IGSF21: variants seen among roughly 807,000 people sequenced by gnomAD.
The protein encoded by IGSF21 is immunoglobin superfamily member 21.
In IGSF21, 28 loss-of-function variants were observed where a neutral mutation model predicts 46.8. That is an observed-to-expected ratio of 0.60 (90% CI 0.44 to 0.82). The LOEUF (loss-of-function observed/expected upper bound fraction) is 0.82. Among genes scored for constraint, IGSF21 ranks in the 40% least tolerant of loss-of-function variants. The pLI is 0.00. For synonymous variants in IGSF21, 284 were observed against 273.6 expected (o/e 1.04, Z -0.38); for missense variants, 624 against 665.5 (o/e 0.94, Z 0.69).
chr1:18,140,110 G>A (rs1404636956), intron 1 of IGSF21, among the ~76,000 whole-genome samples: 1 of 152,104 alleles, frequency 6.6e-6, no homozygotes, highest in African/African-American at 2.4e-5. Context: ...GTGCCTGGCT[G>A]ATTTTTAAAT....
chr1:18,346,361 C>T (rs1419124371), intron 4 of IGSF21, among the ~76,000 whole-genome samples: 2 of 152,092 alleles, frequency 1.3e-5, no homozygotes, highest in Admixed American at 6.5e-5. Context: ...ATGCTTTTTA[C>T]CCTATGGGCT....
chr1:18,371,770 C>G (rs950117761), intron 6 of IGSF21, among the ~76,000 whole-genome samples: 1 of 152,162 alleles, frequency 6.6e-6, no homozygotes, highest in Non-Finnish European at 1.5e-5. Context: ...TCCTTGAACA[C>G]TCTATCTAAA....
chr1:18,286,300 G>A (rs183547865), intron 2 of IGSF21, among the ~76,000 whole-genome samples: 4 of 152,286 alleles, frequency 2.6e-5, no homozygotes, highest in East Asian at 1.9e-4. Flanking sequence ...CATGACACAC[G>A]TCTCTTGGTA....
In IGSF21 at chr1:18,175,413, G is replaced by A. The variant is rs575767096; in HGVS notation, c.71-52485G>A. Among the ~76,000 whole-genome samples, 3 of 152,266 alleles carry A rather than the reference G, an allele frequency of 2.0e-5. No individual in the cohort carries two copies. The East Asian group carries it at 5.8e-4, about 29-fold the overall frequency. ...GGAGTGAACTGCAGAGTTAGCACCC[G>A]CAGACAGCCGGGAGGAAACGAGAAA... On this transcript the variant is annotated intron_variant, in intron 1 of 9. Transcript: ENST00000251296.
intron 3 of IGSF21, among the ~76,000 whole-genome samples, chr1:18,310,023 C>T (rs2085473521): frequency 6.6e-6 from 1 of 152,154 alleles, no homozygotes; most frequent in Non-Finnish European, 1.5e-5. Flanking sequence ...GTCATAAGCT[C>T]CCTTTACACA....
At chr1:18,210,117 G>A (rs1329594103) in intron 1 of IGSF21, among the ~76,000 whole-genome samples, 1 of 152,126 alleles carries the variant, frequency 6.6e-6, no homozygotes, top group Non-Finnish European at 1.5e-5. Flanking sequence ...AACTGTAATA[G>A]GCTGATGTTT....
At chr1:18,194,954 A>G (rs908571382) in intron 1 of IGSF21, among the ~76,000 whole-genome samples, 5 of 152,256 alleles carry the variant, frequency 3.3e-5, no homozygotes, top group African/African-American at 1.2e-4. Context: ...CTTACATGGC[A>G]GCAGGCAAAA....
In IGSF21 at chr1:18,334,412, A is replaced by G. The variant is rs2085744803; in HGVS notation, c.306-480A>G. Among the ~76,000 whole-genome samples the G allele has an allele frequency of 6.6e-6, 1 of 152,126 alleles. No individual in the cohort carries two copies. The highest frequency in any genetic ancestry group is 6.5e-5 in the Admixed American group (1 of 15,272). On this transcript the variant is annotated intron_variant, in intron 3 of 9. Transcript: ENST00000251296. The surrounding 1 kb of genome is among the most constrained non-coding windows in gnomAD (Gnocchi z 4.3). ...ATTTCCATACTGGTTCTTATTAGCA[A>G]TTGAGTTCCGTCCTGAGCCTCAGTT...
chr1:18,228,047 C>G, intron 2 of IGSF21, 37 bp downstream of exon 2: 1 of 1,517,242 alleles, frequency 6.6e-7, no homozygotes, highest in Non-Finnish European at 9.2e-7. Flanking sequence ...TGCCCATGGC[C>G]AGGACTGGTG....
At position 18,290,258 on chromosome 1, in the gene IGSF21, G is replaced by A. The variant is rs1003478235; in HGVS notation, c.184-1608G>A. Among the ~76,000 whole-genome samples the A allele has an allele frequency of 3.5e-4, 53 of 152,306 alleles. 1 individual carries two copies. The highest frequency in any genetic ancestry group is 2.1e-4 in the South Asian group (1 of 4,826). On this transcript the variant is annotated intron_variant, in intron 2 of 9. Transcript: ENST00000251296. The surrounding 1 kb of genome is among the most constrained non-coding windows in gnomAD (Gnocchi z 4.2). Reference sequence around the variant, plus strand: ...CTGTGCTGCAGAAGCAGCCAGGTGGGAGGAAGTGGTCCTCTGTCTCCCCTC... The same window carrying A: ...CTGTGCTGCAGAAGCAGCCAGGTGGAAGGAAGTGGTCCTCTGTCTCCCCTC...
intron 5 of IGSF21, among the ~76,000 whole-genome samples, chr1:18,362,954 C>A (rs2086117980): frequency 6.6e-6 from 1 of 152,178 alleles, no homozygotes; most frequent in Admixed American, 6.5e-5. Context: ...GCCTCTGTTT[C>A]TGCAAGGAAG....
At chr1:18,282,020 C>T (rs2085165772) in intron 2 of IGSF21, among the ~76,000 whole-genome samples, 1 of 152,168 alleles carries the variant, frequency 6.6e-6, no homozygotes, top group Non-Finnish European at 1.5e-5. Context: ...CCTCTTTGGG[C>T]CTTGGCTTTG....
chr1:18,138,032 C>A (rs74428983), intron 1 of IGSF21, among the ~76,000 whole-genome samples: 4,014 of 152,150 alleles, frequency 0.026, 81 homozygotes, highest in Middle Eastern at 0.14. Flanking sequence ...TCTTTCTCTC[C>A]CTGTCTTTGG....
chr1:18,133,245 C>A (rs1345875561), intron 1 of IGSF21, among the ~76,000 whole-genome samples: 1 of 152,202 alleles, frequency 6.6e-6, no homozygotes, highest in African/African-American at 2.4e-5. Context: ...CTTCCTGAGG[C>A]CCCCAGAGCA....
At chr1:18,120,328 G>A (rs1483605896) in intron 1 of IGSF21, among the ~76,000 whole-genome samples, 1 of 152,154 alleles carries the variant, frequency 6.6e-6, no homozygotes, top group African/African-American at 2.4e-5. Context: ...AACTCTTGGG[G>A]GCCTGGCAGG....
intron 1 of IGSF21, among the ~76,000 whole-genome samples, chr1:18,227,519 G>A (rs191263074): frequency 1.3e-4 from 20 of 151,972 alleles, no homozygotes; most frequent in East Asian, 7.8e-4. Flanking sequence ...GTGGAGGGGC[G>A]ATGTTGGGGC....
chr1:18,291,875 G>T lies in IGSF21; in HGVS notation c.193G>T (p.Gly65Cys). The T allele has an allele frequency of 6.2e-7, 1 of 1,613,980 alleles. No individual in the cohort carries two copies. Among genetic ancestry groups the T allele is most frequent in the Non-Finnish European group, 8.5e-7 (1 of 1,179,930 alleles). ...CTGTGCTCTGTGGCAGGTGACGGAT[G>T]GTGGCACCATCAAGCAAAAGATCTT... Reference protein sequence around the residue: ...REIVWYRVTDGGTIKQKIFTF... With the variant: ...REIVWYRVTDCGTIKQKIFTF... The change falls in exon 3 of 10, where the codon GGT (glycine) becomes TGT (cysteine). Residue 65 changes from glycine to cysteine, a missense_variant. By Grantham distance (159) the Gly-to-Cys change is radical. Coordinates refer to ENST00000251296, the MANE Select transcript of IGSF21 (RefSeq NM_032880.5).
chr1:18,267,792 G>A (rs1324231377), intron 2 of IGSF21, among the ~76,000 whole-genome samples: 12 of 152,220 alleles, frequency 7.9e-5, no homozygotes, highest in Non-Finnish European at 1.5e-5. Context: ...AGGAGAGAAG[G>A]AACTGCAGCC....
intron 2 of IGSF21, among the ~76,000 whole-genome samples, chr1:18,249,038 C>T (rs1295863148): frequency 2.6e-5 from 4 of 152,230 alleles, no homozygotes; most frequent in South Asian, 4.2e-4. Context: ...GTGGCACCCC[C>T]GCCCAAATTA....
Sources: allele counts gnomAD v4.1 joint callset (sites outside exome capture counted in the v4.1 genomes callset), GRCh38; gene constraint gnomAD v4.1.1; non-coding constraint Gnocchi (gnomAD v3.1); transcripts MANE v1.5; gene names NCBI Gene and HGNC (gene_info 2026-07-23, HGNC 2026-07-21).